The following GRM7 variants were observed in gnomAD, a reference collection of about 807,000 sequenced individuals.
The protein encoded by GRM7 is metabotropic glutamate receptor 7.
A neutral mutation model predicts 84.5 loss-of-function variants in GRM7; 35 were observed. The observed-to-expected ratio is 0.41, with a 90% CI of 0.32 to 0.55. The LOEUF is 0.55. Ranked by LOEUF, GRM7 falls within the 20% of genes least tolerant of loss-of-function variation. The pLI, the probability that GRM7 is intolerant of heterozygous loss-of-function variation, is 0.19. For missense variants in GRM7, 1,003 were observed against 1,194.6 expected, an observed-to-expected ratio of 0.84 and a Z score of 2.36; for synonymous variants, 487 against 455.1, an observed-to-expected ratio of 1.07 and a Z score of -0.89.
In GRM7 at chr3:7,439,970, T is replaced by C. The variant is rs150573178; in HGVS notation, c.1175-12637T>C. 3.3e-3 allele frequency among the ~76,000 whole-genome samples: 495 copies of C among 152,222 alleles called. 6 individuals carry two copies. The highest frequency in any genetic ancestry group is 0.022 in the South Asian group (107 of 4,816). On this transcript the variant is annotated intron_variant, in intron 5 of 9. Transcript: ENST00000357716. ...CCTCCAGGTTTTAGTTAAGGAAGTA[T>C]GTGAAAACTGGGATAAAGTTGCATT...
chr3:6,976,776 A>G (rs183993444), intron 1 of GRM7, among the ~76,000 whole-genome samples: 2 of 152,300 alleles, frequency 1.3e-5, no homozygotes, highest in Non-Finnish European at 2.9e-5. Flanking sequence ...CTGAAACAAA[A>G]TCTACCATCT....
At chr3:6,948,451 T>G (rs910584681) in intron 1 of GRM7, among the ~76,000 whole-genome samples, 3 of 152,196 alleles carry the variant, frequency 2.0e-5, no homozygotes, top group African/African-American at 7.2e-5. Context: ...CTTTTACATT[T>G]GCTGAGGAGT....
At chr3:7,580,781 G>T (rs1287267056) in intron 8 of GRM7, among the ~76,000 whole-genome samples, 1 of 151,964 alleles carries the variant, frequency 6.6e-6, no homozygotes, top group Non-Finnish European at 1.5e-5. Flanking sequence ...CATAATCTAT[G>T]TTTACTGTCT....
At chr3:7,345,861 T>A (rs1559253610) in intron 4 of GRM7, among the ~76,000 whole-genome samples, 1 of 152,096 alleles carries the variant, frequency 6.6e-6, no homozygotes, top group Non-Finnish European at 1.5e-5. Flanking sequence ...GAAGATGTTT[T>A]TAAGCTTTAA....
chr3:7,204,242 G>A (rs367865118), intron 2 of GRM7, among the ~76,000 whole-genome samples: 1 of 152,272 alleles, frequency 6.6e-6, no homozygotes, highest in East Asian at 1.9e-4. Flanking sequence ...GGAAATCTAG[G>A]CCTCGTGTCA....
intron 2 of GRM7, among the ~76,000 whole-genome samples, chr3:7,296,909 G>C (rs1327815517): frequency 6.6e-6 from 1 of 151,154 alleles, no homozygotes; most frequent in African/African-American, 2.4e-5. Context: ...TCAGTCTCTT[G>C]AGTAATGGAT....
chr3:7,017,475 C>A (rs553549278), intron 1 of GRM7, among the ~76,000 whole-genome samples: 1 of 152,126 alleles, frequency 6.6e-6, no homozygotes, highest in African/African-American at 2.4e-5. Context: ...CAGTATTGAA[C>A]GGAATAATGC....
At chr3:7,207,976 A>G (rs1696293918) in intron 2 of GRM7, among the ~76,000 whole-genome samples, 1 of 152,206 alleles carries the variant, frequency 6.6e-6, no homozygotes, top group Non-Finnish European at 1.5e-5. Flanking sequence ...AAATACTATT[A>G]AATAGATCAT....
intron 1 of GRM7, among the ~76,000 whole-genome samples, chr3:6,898,819 A>G (rs1696282852): frequency 8.6e-6 from 1 of 116,498 alleles, no homozygotes; most frequent in Non-Finnish European, 1.7e-5. Context: ...TTCTATCTCA[A>G]AAAAACAAAA....
chr3:6,973,489 A>G (rs1347649324), intron 1 of GRM7, among the ~76,000 whole-genome samples: 1 of 152,222 alleles, frequency 6.6e-6, no homozygotes, highest in Non-Finnish European at 1.5e-5. Context: ...GTATGTGTGT[A>G]TATTTACATA....
chr3:7,198,602 A>G (rs534109242), intron 2 of GRM7, among the ~76,000 whole-genome samples: 1 of 152,336 alleles, frequency 6.6e-6, no homozygotes, highest in Non-Finnish European at 1.5e-5. Context: ...GCCTATCTTA[A>G]ACATGCTCAG....
At chr3:7,210,647 A>T (rs1481103344) in intron 2 of GRM7, among the ~76,000 whole-genome samples, 1 of 152,230 alleles carries the variant, frequency 6.6e-6, no homozygotes, top group East Asian at 1.9e-4. Flanking sequence ...AAAACAAAAT[A>T]TCTGACTGTG....
At chr3:7,601,756 C>A (rs1696322350) in intron 8 of GRM7, among the ~76,000 whole-genome samples, 1 of 151,968 alleles carries the variant, frequency 6.6e-6, no homozygotes, top group African/African-American at 2.4e-5. Context: ...CAACTGGGGC[C>A]ATGTACCTCT....
intron 9 of GRM7, among the ~76,000 whole-genome samples, chr3:7,691,486 C>T (rs1203851453): frequency 1.3e-5 from 2 of 152,108 alleles, no homozygotes; most frequent in African/African-American, 4.8e-5. Flanking sequence ...GGATAAGTTT[C>T]AATCCTCAGT....
chr3:7,548,417 G>A lies in GRM7; in HGVS notation c.1516-30005G>A, dbSNP rs531276920. Among the ~76,000 whole-genome samples the A allele has an allele frequency of 2.1e-3, 324 of 152,332 alleles. 1 individual carries two copies. The highest frequency in any genetic ancestry group is 3.8e-3 in the Non-Finnish European group (256 of 68,032). On this transcript the variant is annotated intron_variant, in intron 7 of 9. Coordinates refer to ENST00000357716, the MANE Select transcript of GRM7 (RefSeq NM_000844.4). The stretch of plus-strand genomic sequence containing the variant: ...GTGCTAGTGCCCTGCTTCTGGTATA[G>A]CCTACAGAATGATGGGCTAAATAAA...
chr3:7,306,731 G>T, intron 4 of GRM7, 79 bp downstream of exon 4: 1 of 1,293,280 alleles, frequency 7.7e-7, no homozygotes, highest in East Asian at 2.5e-5. Context: ...GACTTTTTAG[G>T]GGTTTGGCAT....
Position 7,714,723 on chromosome 3 carries a change from A to G in GRM7, c.2699-25634A>G, listed in dbSNP as rs570376318. Among the ~76,000 whole-genome samples the G allele has an allele frequency of 4.6e-5, 7 of 152,244 alleles. No homozygotes were observed. The East Asian group carries it at 1.4e-3, about 29-fold the overall frequency. On this transcript the variant is annotated intron_variant, in intron 9 of 9. Coordinates refer to ENST00000357716, the MANE Select transcript of GRM7 (RefSeq NM_000844.4). ...CCAGCCAAGAGCCCACCAGCACGTA[A>G]TTTCCTCTGTGGATAAATCCTCTAT...
At chr3:7,655,613 A>G (rs1266165107) in intron 8 of GRM7, among the ~76,000 whole-genome samples, 1 of 152,180 alleles carries the variant, frequency 6.6e-6, no homozygotes, top group Non-Finnish European at 1.5e-5. Flanking sequence ...TATCTTTGCA[A>G]AAGTGCATTG....
chr3:7,541,471 T>G (rs969436778), intron 7 of GRM7, among the ~76,000 whole-genome samples: 1 of 152,160 alleles, frequency 6.6e-6, no homozygotes, highest in Non-Finnish European at 1.5e-5. Context: ...AGGCACTAAG[T>G]AAATTTTTAC....
Sources: gnomAD v4.1 joint callset for allele counts (sites outside exome capture counted in the v4.1 genomes callset) on GRCh38, gnomAD v4.1.1 for gene constraint, MANE v1.5 for transcripts, NCBI Gene and HGNC (gene_info 2026-07-23, HGNC 2026-07-21) for gene names.